The following FOXP2 variants were observed in gnomAD, a reference collection of about 807,000 sequenced individuals.
FOXP2 encodes the protein forkhead box P2.
Under a neutral mutation model 115.8 loss-of-function variants are expected in FOXP2, and 12 were observed. The observed-to-expected ratio is 0.10, with a 90% CI of 0.07 to 0.17. FOXP2 has a LOEUF of 0.17. Ranked by LOEUF, FOXP2 falls within the 10% of genes least tolerant of loss-of-function variation. The pLI is 1.00. For synonymous variants in FOXP2, 328 were observed against 297.7 expected (o/e 1.10, Z -1.05); for missense variants, 629 against 843.5 (o/e 0.75, Z 3.15).
At chr7:114,098,083 T>C (rs1444942415) in intron 1 of FOXP2, among the ~76,000 whole-genome samples, 1 of 152,036 alleles carries the variant, frequency 6.6e-6, no homozygotes, top group African/African-American at 2.4e-5. Context: ...ACAAGAGAGG[T>C]AAATAAAATA....
At chr7:114,677,180 A>AAAAAAAAAC (rs1554443474) in intron 16 of FOXP2, among the ~76,000 whole-genome samples, 2 of 147,940 alleles carry the variant, frequency 1.4e-5, no homozygotes, top group African/African-American at 4.9e-5. Context: ...AACAAAAAAA[A>AAAAAAAAAC]AAAAAACAAA....
In FOXP2 at chr7:114,521,240, A is replaced by G. The variant is rs566837389; in HGVS notation, c.169-13377A>G. ...TTTCATGGATAATTGAGTCTGAAAA[A>G]GCATGAACACTACTTGGATTTTTAT... On this transcript the variant is annotated intron_variant, in intron 2 of 16. Transcript: ENST00000350908. Among the ~76,000 whole-genome samples the G allele has an allele frequency of 6.6e-5, 10 of 152,296 alleles. No homozygotes were observed. The South Asian group carries it at 2.1e-3, about 32-fold the overall frequency.
At chr7:114,390,690 G>T (rs1277318918) in intron 2 of FOXP2, among the ~76,000 whole-genome samples, 1 of 151,912 alleles carries the variant, frequency 6.6e-6, no homozygotes, top group Non-Finnish European at 1.5e-5. Context: ...GAGTAGCTGG[G>T]ACTACAGCTG....
At chr7:114,251,855 C>A (rs529577751) in intron 1 of FOXP2, among the ~76,000 whole-genome samples, 1 of 152,324 alleles carries the variant, frequency 6.6e-6, no homozygotes, top group Non-Finnish European at 1.5e-5. Context: ...GAGAGGGCTT[C>A]CCTGTCTTGT....
chr7:114,241,400 G>A (rs1264837977), intron 1 of FOXP2, among the ~76,000 whole-genome samples: 3 of 152,054 alleles, frequency 2.0e-5, no homozygotes, highest in Non-Finnish European at 4.4e-5. Flanking sequence ...GGTAAGGAAA[G>A]GATTGGCTAT....
chr7:114,094,598 A>G (rs768953068), intron 1 of FOXP2, among the ~76,000 whole-genome samples: 2 of 152,164 alleles, frequency 1.3e-5, no homozygotes, highest in Non-Finnish European at 2.9e-5. Flanking sequence ...GCCCTTGGGA[A>G]ACTGAAGCCA....
intron 13 of FOXP2, 42 bp from the exon 14 acceptor site, chr7:114,662,023 A>G (rs764188794): frequency 1.2e-6 from 2 of 1,609,958 alleles, no homozygotes; most frequent in Non-Finnish European, 1.7e-6. Context: ...TTATTAGACA[A>G]TATTATTTTT....
At chr7:114,683,585 G>A (rs1172309013) in intron 16 of FOXP2, among the ~76,000 whole-genome samples, 3 of 152,190 alleles carry the variant, frequency 2.0e-5, no homozygotes, top group Non-Finnish European at 4.4e-5. Flanking sequence ...AAGGTTCAGA[G>A]TAGATCAATG....
chr7:114,506,427 T>C (rs1429385849), intron 2 of FOXP2, among the ~76,000 whole-genome samples: 1 of 151,656 alleles, frequency 6.6e-6, no homozygotes, highest in Non-Finnish European at 1.5e-5. Context: ...TAAGTATACT[T>C]TCATGGAAAC....
At chr7:114,249,202 C>CAATTT (rs1554355010) in intron 1 of FOXP2, among the ~76,000 whole-genome samples, 1 of 151,976 alleles carries the variant, frequency 6.6e-6, no homozygotes, top group Non-Finnish European at 1.5e-5. Context: ...GAAGGCCTTT[C>CAATTT]TATTTTATTT....
At chr7:114,214,959 T>C (rs1189510699) in intron 1 of FOXP2, among the ~76,000 whole-genome samples, 1 of 152,202 alleles carries the variant, frequency 6.6e-6, no homozygotes, top group Non-Finnish European at 1.5e-5. Context: ...TTAAAATTAC[T>C]GGTTTTCAGC....
intron 1 of FOXP2, among the ~76,000 whole-genome samples, chr7:114,265,959 A>G (rs1046961127): frequency 3.3e-5 from 5 of 151,904 alleles, no homozygotes; most frequent in African/African-American, 1.2e-4. Context: ...CTAACCCCCA[A>G]ATTCATTTTT....
At chr7:114,127,876 A>C (rs559517480) in intron 1 of FOXP2, among the ~76,000 whole-genome samples, 2 of 152,170 alleles carry the variant, frequency 1.3e-5, no homozygotes, top group Admixed American at 6.5e-5. Context: ...TACACTAGCT[A>C]TACGTTTGTA....
chr7:114,416,112 T>C (rs1043444825), intron 1 of FOXP2, among the ~76,000 whole-genome samples: 1 of 152,020 alleles, frequency 6.6e-6, no homozygotes, highest in Admixed American at 6.6e-5. Flanking sequence ...ATTTCTGCAC[T>C]TTTCATTCTG....
chr7:114,576,704 G>A (rs1277000438), intron 3 of FOXP2, among the ~76,000 whole-genome samples: 2 of 151,890 alleles, frequency 1.3e-5, no homozygotes, highest in Non-Finnish European at 1.5e-5. Flanking sequence ...AAAGTTATTT[G>A]TAATGAGCTA....
intron 2 of FOXP2, among the ~76,000 whole-genome samples, chr7:114,357,952 CT>C (rs1379657246): frequency 1.3e-5 from 2 of 152,008 alleles, no homozygotes; most frequent in Non-Finnish European, 2.9e-5. Context: ...TAGGAAAGTT[CT>C]TTTTTTGTTG....
chr7:114,359,931 G>A (rs192732643), intron 2 of FOXP2, among the ~76,000 whole-genome samples: 1 of 152,228 alleles, frequency 6.6e-6, no homozygotes, highest in Admixed American at 6.5e-5. Flanking sequence ...GGACTGTTGG[G>A]ACAGCATGAT....
At chr7:114,234,237 G>C (rs1287459713) in intron 1 of FOXP2, among the ~76,000 whole-genome samples, 2 of 151,988 alleles carry the variant, frequency 1.3e-5, no homozygotes, top group African/African-American at 4.8e-5. Flanking sequence ...TGCTTATCTG[G>C]GTAAAAGGCT....
intron 1 of FOXP2, among the ~76,000 whole-genome samples, chr7:114,173,601 A>G (rs1793206334): frequency 1.3e-5 from 2 of 151,778 alleles, no homozygotes; most frequent in Admixed American, 6.6e-5. Context: ...TTGCTATTGC[A>G]TTTATTTTTT....
Sources: gnomAD v4.1 joint callset for allele counts (sites outside exome capture counted in the v4.1 genomes callset) on GRCh38, gnomAD v4.1.1 for gene constraint, MANE v1.5 for transcripts, NCBI Gene and HGNC (gene_info 2026-07-23, HGNC 2026-07-21) for gene names.